HEMK2: variants seen among roughly 807,000 people sequenced by gnomAD.
HEMK2 encodes the protein methyltransferase HEMK2.
chr21:28,611,137 C>T, the HEMK2 span, among the ~76,000 whole-genome samples: 1 of 152,136 alleles, frequency 6.6e-6, no homozygotes, highest in Non-Finnish European at 1.5e-5. Context: ...CCAAGATAGA[C>T]CATATGATAG....
the HEMK2 span, among the ~76,000 whole-genome samples, chr21:28,877,945 T>C: frequency 6.6e-6 from 1 of 152,200 alleles, no homozygotes; most frequent in Non-Finnish European, 1.5e-5. Flanking sequence ...GAGATTTTTA[T>C]ACTTGAATAT....
At chr21:28,716,382 T>A in the HEMK2 span, among the ~76,000 whole-genome samples, 1 of 152,108 alleles carries the variant, frequency 6.6e-6, no homozygotes, top group East Asian at 1.9e-4. Context: ...ATTTTGTGGG[T>A]TTTTTTGTGG....
the HEMK2 span, among the ~76,000 whole-genome samples, chr21:28,757,310 T>A: frequency 2.6e-5 from 4 of 152,200 alleles, no homozygotes; most frequent in African/African-American, 9.6e-5. Flanking sequence ...TATAAGAATA[T>A]TTCATACCAT....
the HEMK2 span, among the ~76,000 whole-genome samples, chr21:28,613,616 A>ATTTTTT: frequency 4.3e-5 from 2 of 47,024 alleles, no homozygotes; most frequent in African/African-American, 9.9e-5. Context: ...CTTTCTGCAT[A>ATTTTTT]TTCTTTTTTT....
the HEMK2 span, among the ~76,000 whole-genome samples, chr21:28,850,391 A>AT: frequency 6.6e-6 from 1 of 151,628 alleles, no homozygotes; most frequent in Non-Finnish European, 1.5e-5. Flanking sequence ...CGCCCGGCTA[A>AT]TTTTTTGTAT....
chr21:28,755,882 C>A, the HEMK2 span, among the ~76,000 whole-genome samples: 1 of 152,090 alleles, frequency 6.6e-6, no homozygotes, highest in Non-Finnish European at 1.5e-5. Context: ...ATGCATATAC[C>A]CTTATACCTA....
the HEMK2 span, among the ~76,000 whole-genome samples, chr21:28,847,475 C>T: frequency 6.6e-6 from 1 of 151,982 alleles, no homozygotes; most frequent in African/African-American, 2.4e-5. Context: ...AAGTTATTTG[C>T]TTTTTGCTTG....
the HEMK2 span, among the ~76,000 whole-genome samples, chr21:28,596,848 G>C: frequency 2.6e-5 from 4 of 152,064 alleles, no homozygotes; most frequent in Non-Finnish European, 4.4e-5. Flanking sequence ...GCTCCATACC[G>C]AAAATGGGAA....
chr21:28,592,310 A>C, the HEMK2 span, among the ~76,000 whole-genome samples: 1 of 152,176 alleles, frequency 6.6e-6, no homozygotes, highest in Admixed American at 6.5e-5. Context: ...AGCGATGTTG[A>C]GGTTTTACAC....
chr21:28,800,763 G>A, the HEMK2 span, among the ~76,000 whole-genome samples: 2 of 152,164 alleles, frequency 1.3e-5, no homozygotes, highest in South Asian at 4.2e-4. Flanking sequence ...GTCAATTCCT[G>A]GATTAATACT....
the HEMK2 span, among the ~76,000 whole-genome samples, chr21:28,761,691 T>C: frequency 1.3e-5 from 2 of 151,924 alleles, no homozygotes; most frequent in Non-Finnish European, 1.5e-5. Flanking sequence ...TCTCTCTTCA[T>C]TCTGTCTCCT....
At chr21:28,862,792 CATTTT>C in the HEMK2 span, among the ~76,000 whole-genome samples, 2 of 152,220 alleles carry the variant, frequency 1.3e-5, no homozygotes, top group African/African-American at 4.8e-5. Flanking sequence ...AAAATATCTT[CATTTT>C]ATTTCCTTTC....
chr21:28,623,932 T>C, the HEMK2 span, among the ~76,000 whole-genome samples: 2 of 152,158 alleles, frequency 1.3e-5, no homozygotes, highest in Admixed American at 1.3e-4. Context: ...TGTATACCTA[T>C]GTAACAAACC....
chr21:28,633,027 C>T, the HEMK2 span, among the ~76,000 whole-genome samples: 3 of 152,162 alleles, frequency 2.0e-5, no homozygotes, highest in African/African-American at 7.2e-5. Flanking sequence ...GCCACTTGAT[C>T]GGACCCCATT....
chr21:28,684,485 A>C, the HEMK2 span, among the ~76,000 whole-genome samples: 1 of 152,342 alleles, frequency 6.6e-6, no homozygotes, highest in African/African-American at 2.4e-5. Context: ...TTGGGAATTC[A>C]ATTGAAATCC....
the HEMK2 span, chr21:28,670,965 A>G: frequency 6.6e-6 from 1 of 152,242 alleles, no homozygotes; most frequent in African/African-American, 2.4e-5. Context: ...TTACAATTTG[A>G]GATGAGATTT....
chr21:28,753,379 A>C, the HEMK2 span, among the ~76,000 whole-genome samples: 1 of 151,192 alleles, frequency 6.6e-6, no homozygotes, highest in African/African-American at 2.4e-5. Context: ...AAAAAAGTAG[A>C]AGGTAACGCA....
the HEMK2 span, among the ~76,000 whole-genome samples, chr21:28,865,167 T>G: frequency 2.6e-5 from 4 of 152,078 alleles, no homozygotes; most frequent in Admixed American, 1.3e-4. Flanking sequence ...TTTTGTTTTG[T>G]TTTTGTTTTT....
At chr21:28,645,138 A>G in the HEMK2 span, among the ~76,000 whole-genome samples, 1 of 152,130 alleles carries the variant, frequency 6.6e-6, no homozygotes. Context: ...CCAGATACAC[A>G]CAGGGCACAT....
Sources: allele counts gnomAD v4.1 joint callset (sites outside exome capture counted in the v4.1 genomes callset), GRCh38; gene constraint gnomAD v4.1.1; transcripts MANE v1.5; gene names NCBI Gene and HGNC (gene_info 2026-07-23, HGNC 2026-07-21).